The following RAP1B variants were observed in gnomAD, a reference collection of about 807,000 sequenced individuals.
RAP1B encodes ras-related protein Rap-1b.
RAP1B carries 1 observed loss-of-function variant against 27.5 expected under a neutral mutation model. The ratio of observed to expected loss-of-function variants is 0.04; its 90% CI spans 0.01 to 0.17. The LOEUF (loss-of-function observed/expected upper bound fraction) is 0.17. Among genes scored for constraint, RAP1B ranks in the 10% least tolerant of loss-of-function variants. RAP1B has a pLI of 1.00. For synonymous variants in RAP1B, 75 were observed against 73.1 expected, an observed-to-expected ratio of 1.03 and a Z score of -0.13; for missense variants, 84 against 214.8, an observed-to-expected ratio of 0.39 and a Z score of 3.81.
intron 1 of RAP1B, 110 bp from the exon 2 acceptor site, chr12:68,648,589 T>C: frequency 2.3e-6 from 2 of 880,138 alleles, no homozygotes; most frequent in Non-Finnish European, 3.5e-6. Context: ...ACTAGGGTTG[T>C]ATAGTAATCA....
chr12:68,645,074 C>T (rs1466172658), intron 1 of RAP1B, among the ~76,000 whole-genome samples: 1 of 152,142 alleles, frequency 6.6e-6, no homozygotes, highest in Non-Finnish European at 1.5e-5. Context: ...CATTTCTTTC[C>T]TTATTCTTTC....
chr12:68,630,618 C>G (rs1872165098), intron 1 of RAP1B, among the ~76,000 whole-genome samples: 1 of 152,040 alleles, frequency 6.6e-6, no homozygotes, highest in African/African-American at 2.4e-5. Context: ...GTATTTAACC[C>G]TTAACTGAGT....
At chr12:68,645,065 AT>A (rs1873308627) in intron 1 of RAP1B, among the ~76,000 whole-genome samples, 1 of 152,098 alleles carries the variant, frequency 6.6e-6, no homozygotes, top group Non-Finnish European at 1.5e-5. Flanking sequence ...GAATTACTAC[AT>A]TTCTTTCCTT....
chr12:68,629,902 AT>A (rs1872112236), intron 1 of RAP1B, among the ~76,000 whole-genome samples: 1 of 152,184 alleles, frequency 6.6e-6, no homozygotes, highest in Non-Finnish European at 1.5e-5. Context: ...TTTGCAACTA[AT>A]TAATTCATTT....
chr12:68,656,371 A>G lies in RAP1B; in HGVS notation c.390A>G (p.Gln130=), dbSNP rs749261942. The change falls in exon 6 of 8, where the codon CAA becomes CAG. Residue 130 remains glutamine, a synonymous_variant. Transcript: ENST00000250559. ...ATGAAAGAGTTGTAGGGAAGGAACA[A>G]GGTCAAAATCTAGCAAGACAATGGA... The part of the protein sequence containing the change: ...LEDERVVGKE[Q]GQNLARQWNN... 3.7e-6 allele frequency: 6 copies of G among 1,608,786 alleles called. No individual in the cohort carries two copies. The African/African-American group carries it at 6.7e-5, about 18-fold the overall frequency.
At chr12:68,615,462 G>A (rs1182933340) in intron 1 of RAP1B, among the ~76,000 whole-genome samples, 3 of 152,040 alleles carry the variant, frequency 2.0e-5, no homozygotes, top group Non-Finnish European at 4.4e-5. Flanking sequence ...AGTGGGAGGT[G>A]CCTGTAATCC....
chr12:68,635,842 GAGA>G (rs1054976587), intron 1 of RAP1B, among the ~76,000 whole-genome samples: 27 of 151,876 alleles, frequency 1.8e-4, no homozygotes, highest in Non-Finnish European at 3.5e-4. Flanking sequence ...CTTGAGATTG[GAGA>G]ACTGCTTTTG....
chr12:68,628,467 T>C (rs1379276314), intron 1 of RAP1B, among the ~76,000 whole-genome samples: 1 of 152,236 alleles, frequency 6.6e-6, no homozygotes, highest in African/African-American at 2.4e-5. Flanking sequence ...TAATGACTTA[T>C]TTTTATATGT....
At chr12:68,634,430 T>G (rs1267560450) in intron 1 of RAP1B, among the ~76,000 whole-genome samples, 2 of 152,184 alleles carry the variant, frequency 1.3e-5, no homozygotes, top group East Asian at 3.8e-4. Context: ...TATGCATCCC[T>G]GTAGATTTTA....
Position 68,661,856 on chromosome 12 carries a change from T to G in RAP1B, c.*2607T>G, listed in dbSNP as rs1057060857. The G allele has an allele frequency of 4.6e-5, 7 of 151,912 alleles. No individual in the cohort carries two copies. Among genetic ancestry groups the G allele is most frequent in the African/African-American group, 1.7e-4 (7 of 41,368 alleles). 9.4% of individuals were successfully genotyped at this position (151,912 alleles called of 1,614,324 possible). A position where few individuals can be genotyped will look rare whatever the true frequency, so the allele number is the denominator to read the frequency against. On this transcript the variant is annotated 3_prime_UTR_variant, in exon 8 of 8. Coordinates refer to ENST00000250559, the MANE Select transcript of RAP1B (RefSeq NM_001010942.3). ...ATATAGTGAATAAGAATATAAAGTTTGGAGCCAGACTTCCTGGGTTTTTAA... is the reference window on the plus strand; with the variant it reads ...ATATAGTGAATAAGAATATAAAGTTGGGAGCCAGACTTCCTGGGTTTTTAA...
intron 1 of RAP1B, among the ~76,000 whole-genome samples, chr12:68,628,343 A>G (rs1871972183): frequency 6.6e-6 from 1 of 152,212 alleles, no homozygotes; most frequent in Non-Finnish European, 1.5e-5. Context: ...ATGTGACAGC[A>G]GTTTCCTCAC....
intron 1 of RAP1B, among the ~76,000 whole-genome samples, chr12:68,639,918 G>T (rs1872880454): frequency 6.6e-6 from 1 of 151,300 alleles, no homozygotes; most frequent in Non-Finnish European, 1.5e-5. Context: ...TCAGCTCACT[G>T]TAGCCTCTGC....
chr12:68,617,600 G>C (rs1871118722), intron 1 of RAP1B, among the ~76,000 whole-genome samples: 1 of 152,162 alleles, frequency 6.6e-6, no homozygotes, highest in South Asian at 2.1e-4. Flanking sequence ...CATCCGTAAT[G>C]CCATCACTAC....
intron 7 of RAP1B, among the ~76,000 whole-genome samples, chr12:68,658,562 T>C (rs561601471): frequency 6.6e-6 from 1 of 152,362 alleles, no homozygotes; most frequent in South Asian, 2.1e-4. Flanking sequence ...GAGGCATGTA[T>C]GCAGAAAACT....
At chr12:68,646,513 C>G (rs1338019270) in intron 1 of RAP1B, among the ~76,000 whole-genome samples, 3 of 152,330 alleles carry the variant, frequency 2.0e-5, no homozygotes, top group East Asian at 3.9e-4. Context: ...CCAGGCTGAA[C>G]TCCTGACCTT....
chr12:68,628,997 T>G (rs992894672), intron 1 of RAP1B, among the ~76,000 whole-genome samples: 1 of 149,886 alleles, frequency 6.7e-6, no homozygotes, highest in African/African-American at 2.4e-5. Context: ...TCTTTTTATT[T>G]ATTTATTTAT....
intron 2 of RAP1B, chr12:68,648,999 GAATAC>G (rs1195518896): frequency 8.3e-6 from 4 of 483,394 alleles, no homozygotes; most frequent in Non-Finnish European, 1.4e-5. Flanking sequence ...AGTTATGCTG[GAATAC>G]AATTTGAGCT....
At chr12:68,637,675 G>A (rs1248366163) in intron 1 of RAP1B, among the ~76,000 whole-genome samples, 2 of 144,312 alleles carry the variant, frequency 1.4e-5, no homozygotes, top group Admixed American at 7.0e-5. Context: ...GGTAAATTAC[G>A]TAGCTAGTTT....
chr12:68,629,174 T>TGTAGA (rs1872050827), intron 1 of RAP1B, among the ~76,000 whole-genome samples: 2 of 152,116 alleles, frequency 1.3e-5, no homozygotes, highest in East Asian at 3.9e-4. Flanking sequence ...AGACAAGGTT[T>TGTAGA]CACAATGTTT....
Sources: gnomAD v4.1 joint callset for allele counts (sites outside exome capture counted in the v4.1 genomes callset) on GRCh38, gnomAD v4.1.1 for gene constraint, MANE v1.5 for transcripts, NCBI Gene and HGNC (gene_info 2026-07-23, HGNC 2026-07-21) for gene names.